Variants in ETFRF1 observed in about 807,000 individuals in gnomAD.
ETFRF1 encodes the protein electron transfer flavoprotein regulatory factor 1.
A neutral mutation model predicts 9.0 loss-of-function variants in ETFRF1; 12 were observed. That is an observed-to-expected ratio of 1.34 (90% CI 0.86 to 2.16). ETFRF1 has a LOEUF of 2.16. ETFRF1 is among the 30% of genes most tolerant of loss of function. The probability of loss-of-function intolerance (pLI) is 0.00; values close to 1 mark genes in which losing one functional copy is unlikely to be tolerated. For synonymous variants in ETFRF1, 34 were observed against 33.2 expected (o/e 1.02, Z -0.08); for missense variants, 98 against 101.8 (o/e 0.96, Z 0.16).
Position 25,203,259 on chromosome 12 carries a change from C to A in ETFRF1, c.-37-661C>A, listed in dbSNP as rs1222424123. ...ATGATGCCTTTAAGTTTGGAGCCTCCTCTACAAAGTAGAGTTAACACATTA... is the reference window on the plus strand; with the variant it reads ...ATGATGCCTTTAAGTTTGGAGCCTCATCTACAAAGTAGAGTTAACACATTA... On this transcript the variant is annotated intron_variant, in intron 1 of 2. Coordinates refer to ENST00000381356, the MANE Select transcript of ETFRF1 (RefSeq NM_001001660.3). Among the ~76,000 whole-genome samples the A allele has an allele frequency of 4.6e-5, 7 of 152,270 alleles. No homozygotes were observed. In the East Asian group the frequency reaches 1.3e-3, roughly 29 times the overall value.
chr12:25,197,693 A>C (rs1951041738), intron 1 of ETFRF1, among the ~76,000 whole-genome samples: 1 of 151,806 alleles, frequency 6.6e-6, no homozygotes, highest in African/African-American at 2.4e-5. Context: ...CTGGTCTCAA[A>C]CTCCTGAGCT....
intron 1 of ETFRF1, among the ~76,000 whole-genome samples, chr12:25,197,736 G>A (rs1951041956): frequency 6.6e-6 from 1 of 152,134 alleles, no homozygotes; most frequent in African/African-American, 2.4e-5. Flanking sequence ...CTCCCAAAGT[G>A]CTGAGATTAC....
Position 25,204,018 on chromosome 12 carries a change from A to T in ETFRF1, c.51+11A>T. 6.6e-7 allele frequency: 1 copy of T among 1,518,460 alleles called. No homozygotes were observed. The allele number at this position is 1,518,460 out of a possible 1,614,324, so 94.1% of individuals were successfully genotyped here. On this transcript the variant is annotated intron_variant, in intron 2 of 2. Transcript: ENST00000381356. ...AAACTTTATAAAAATGTAAGTAATTATGTTGCCAATTTTATAAAAATGTTA... is the reference window on the plus strand; with the variant it reads ...AAACTTTATAAAAATGTAAGTAATTTTGTTGCCAATTTTATAAAAATGTTA...
intron 1 of ETFRF1, among the ~76,000 whole-genome samples, chr12:25,201,454 A>G (rs1264707005): frequency 1.3e-5 from 2 of 152,200 alleles, no homozygotes; most frequent in African/African-American, 4.8e-5. Context: ...GAGTGCTGGG[A>G]AAACTAAAGA....
rs1951118137 is a variant in ETFRF1 at position 25,204,957 on chromosome 12, C to T, written c.*645C>T. 1.5e-5 allele frequency: 3 copies of T among 203,738 alleles called. No homozygotes were observed. Among genetic ancestry groups the T allele is most frequent in the Admixed American group, 1.2e-4 (2 of 16,726 alleles). The allele number at this position is 203,738 out of a possible 1,614,324, so 12.6% of individuals were successfully genotyped here. ...TACCTTTGGGCCTAAAACCAAGTCA[C>T]CTGTTGTGTATCAATTACCTTCTTT... On this transcript the variant is annotated 3_prime_UTR_variant, in exon 3 of 3. Transcript: ENST00000381356.
chr12:25,201,839 T>C (rs1416667151), intron 1 of ETFRF1, among the ~76,000 whole-genome samples: 3 of 152,200 alleles, frequency 2.0e-5, no homozygotes, highest in Non-Finnish European at 4.4e-5. Flanking sequence ...TGATTTTTAA[T>C]TGAGTATGGT....
intron 1 of ETFRF1, 130 bp from the exon 2 acceptor site, chr12:25,203,790 G>T: frequency 1.9e-6 from 1 of 531,688 alleles, no homozygotes; most frequent in Non-Finnish European, 3.2e-6. Flanking sequence ...CCAGTACGTG[G>T]AACGAAAAAG....
chr12:25,196,052 T>G (rs537024127), intron 1 of ETFRF1: 1 of 152,370 alleles, frequency 6.6e-6, no homozygotes, highest in South Asian at 2.1e-4. Flanking sequence ...CATCTCTGAA[T>G]TATAAGTTTA....
chr12:25,197,898 T>C (rs1951043303), intron 1 of ETFRF1, among the ~76,000 whole-genome samples: 2 of 152,132 alleles, frequency 1.3e-5, no homozygotes. Context: ...TTTACTCCCT[T>C]CCAAAACTAC....
intron 1 of ETFRF1, among the ~76,000 whole-genome samples, chr12:25,202,890 A>C (rs1434307091): frequency 1.3e-5 from 2 of 152,190 alleles, no homozygotes; most frequent in African/African-American, 2.4e-5. Flanking sequence ...CACACATACA[A>C]CACCTAAATC....
intron 1 of ETFRF1, among the ~76,000 whole-genome samples, chr12:25,197,769 C>T (rs1951042070): frequency 6.6e-6 from 1 of 152,078 alleles, no homozygotes; most frequent in Admixed American, 6.6e-5. Flanking sequence ...CCATGCCCAG[C>T]CTAAGAATCA....
At chr12:25,196,640 C>G (rs1391123175) in intron 1 of ETFRF1, among the ~76,000 whole-genome samples, 2 of 152,202 alleles carry the variant, frequency 1.3e-5, no homozygotes, top group Admixed American at 6.5e-5. Context: ...TCATCCAGCG[C>G]ACACATCCAA....
intron 1 of ETFRF1, among the ~76,000 whole-genome samples, chr12:25,199,453 C>T (rs1038352575): frequency 1.3e-5 from 2 of 150,074 alleles, no homozygotes; most frequent in Admixed American, 6.7e-5. Context: ...CTAAAAATGG[C>T]TGGCTACCTC....
intron 1 of ETFRF1, among the ~76,000 whole-genome samples, chr12:25,199,139 TAC>T (rs924700155): frequency 1.3e-5 from 2 of 151,556 alleles, no homozygotes; most frequent in African/African-American, 4.8e-5. Context: ...TTCATATATA[TAC>T]ACATCTATAT....
intron 1 of ETFRF1, among the ~76,000 whole-genome samples, chr12:25,197,488 G>C (rs1315885390): frequency 6.6e-6 from 1 of 151,294 alleles, no homozygotes; most frequent in African/African-American, 2.4e-5. Context: ...TTTGAGACAG[G>C]GTCTCAAAAT....
At chr12:25,200,957 A>G (rs2141469432) in intron 1 of ETFRF1, among the ~76,000 whole-genome samples, 1 of 152,256 alleles carries the variant, frequency 6.6e-6, no homozygotes, top group South Asian at 2.1e-4. Context: ...CTGCCATTGT[A>G]TCATCTTTTT....
intron 1 of ETFRF1, among the ~76,000 whole-genome samples, chr12:25,201,737 G>A (rs1053132513): frequency 2.0e-5 from 3 of 149,532 alleles, no homozygotes; most frequent in African/African-American, 7.4e-5. Context: ...TGCCTAAAGG[G>A]GCAGGTGAGG....
rs1367732453 is a variant in ETFRF1, at chr12:25,204,449, T to C, written c.*137T>C. ...AGCTGCCCTACTGAACTAAATAGGT[T>C]TCAACTTCTGTTCATACGGAGAAAG... is the stretch of plus-strand genomic sequence containing the variant. On this transcript the variant is annotated 3_prime_UTR_variant, in exon 3 of 3. Transcript: ENST00000381356. 3.3e-6 allele frequency: 2 copies of C among 598,632 alleles called. No individual in the cohort carries two copies. Among genetic ancestry groups the C allele is most frequent in the Non-Finnish European group, 5.2e-6 (2 of 385,290 alleles). 37.1% of individuals were successfully genotyped at this position (598,632 alleles called of 1,614,324 possible). A position where few individuals can be genotyped will look rare whatever the true frequency, so the allele number is the denominator to read the frequency against.
At chr12:25,196,753 G>A (rs1317438364) in intron 1 of ETFRF1, among the ~76,000 whole-genome samples, 2 of 152,164 alleles carry the variant, frequency 1.3e-5, no homozygotes, top group Non-Finnish European at 2.9e-5. Context: ...GCAGCCTCAG[G>A]GCCCTGCTGA....
Sources: allele counts gnomAD v4.1 joint callset (sites outside exome capture counted in the v4.1 genomes callset), GRCh38; gene constraint gnomAD v4.1.1; transcripts MANE v1.5; gene names NCBI Gene and HGNC (gene_info 2026-07-23, HGNC 2026-07-21).